The following SART1 variants were observed in gnomAD, a reference collection of about 807,000 sequenced individuals.
SART1 encodes the protein U4/U6.U5 tri-snRNP-associated protein 1.
Under a neutral mutation model 105.0 loss-of-function variants are expected in SART1, and 28 were observed. The observed-to-expected ratio is 0.27, with a 90% CI of 0.20 to 0.37. The LOEUF (loss-of-function observed/expected upper bound fraction) is 0.37. Among genes scored for constraint, SART1 ranks in the 10% least tolerant of loss-of-function variants. The pLI is 1.00. For missense variants in SART1, 894 were observed against 1,106.5 expected, an observed-to-expected ratio of 0.81 and a Z score of 2.72; for synonymous variants, 472 against 462.9, an observed-to-expected ratio of 1.02 and a Z score of -0.25.
rs1423797722 is a variant in SART1, at chr11:65,978,239, CGT to C, written c.2172+341_2172+342del. On this transcript the variant is annotated intron_variant, in intron 17 of 19. Transcript: ENST00000312397. This position sits in a 1 kb window ranked among gnomAD's most constrained non-coding sequence, Gnocchi z 6.8. ...AGCGTCCAGGCCCTTCCAGCACTCTCGTAGGCCGCCCGACCGTCCTGCCCTAC... is the reference window on the plus strand; with the variant it reads ...AGCGTCCAGGCCCTTCCAGCACTCTCAGGCCGCCCGACCGTCCTGCCCTAC... 4.2e-5 allele frequency: 21 copies of C among 496,316 alleles called. No homozygotes were observed. The Admixed American group carries it at 5.4e-4, about 13-fold the overall frequency. The allele number at this position is 496,316 out of a possible 1,614,324, so 30.7% of individuals were successfully genotyped here. A position where few individuals can be genotyped will look rare whatever the true frequency, so the allele number is the denominator to read the frequency against.
chr11:65,966,700 C>A, intron 9 of SART1, 144 bp downstream of exon 9: 1 of 932,464 alleles, frequency 1.1e-6, no homozygotes, highest in Non-Finnish European at 1.5e-6. Flanking sequence ...AAATGGCAAC[C>A]GGGGGAGGCA....
Position 65,976,845 on chromosome 11 carries a change from C to G in SART1, c.1857+79C>G. 1.6e-6 allele frequency: 2 copies of G among 1,271,664 alleles called. No homozygotes were observed. The highest frequency in any genetic ancestry group is 1.1e-6 in the Non-Finnish European group (1 of 901,272). 78.8% of individuals were successfully genotyped at this position (1,271,664 alleles called of 1,614,324 possible). ...GAGCACCGGGCTCGGTGTCCAGAGC[C>G]TCAGCCTCCTCATCCAGAGTGGGCT... On this transcript the variant is annotated intron_variant, in intron 14 of 19. Coordinates refer to ENST00000312397, the MANE Select transcript of SART1 (RefSeq NM_005146.5). This position sits in a 1 kb window ranked among gnomAD's most constrained non-coding sequence, Gnocchi z 5.1.
At chr11:65,964,252 C>T (rs779008112) in intron 2 of SART1, 121 bp downstream of exon 2, 2 of 962,802 alleles carry the variant, frequency 2.1e-6, no homozygotes, top group South Asian at 1.4e-5. Context: ...TTGTTTAAAT[C>T]ATCTTAGCCA....
chr11:65,973,046 C>T (rs906163787), intron 12 of SART1, among the ~76,000 whole-genome samples: 2 of 152,138 alleles, frequency 1.3e-5, no homozygotes, highest in South Asian at 2.1e-4. Context: ...TGGTGGCGGG[C>T]ACCTGTAGTC....
chr11:65,966,568 C>G lies in SART1; in HGVS notation c.1188+12C>G. ...CGCCTGAGGAGATGGTGAGCCCTCCCGTGCCTTATACTCGGGGTCAAGATT... is the reference window on the plus strand; with the variant it reads ...CGCCTGAGGAGATGGTGAGCCCTCCGGTGCCTTATACTCGGGGTCAAGATT... On this transcript the variant is annotated intron_variant, in intron 9 of 19. Transcript: ENST00000312397. 3.3e-6 allele frequency: 5 copies of G among 1,496,066 alleles called. No homozygotes were observed. Among genetic ancestry groups the G allele is most frequent in the Non-Finnish European group, 3.6e-6 (4 of 1,126,652 alleles). 92.7% of individuals were successfully genotyped at this position (1,496,066 alleles called of 1,614,324 possible). A position where few individuals can be genotyped will look rare whatever the true frequency, so the allele number is the denominator to read the frequency against.
intron 10 of SART1, 40 bp downstream of exon 10, chr11:65,967,423 G>A (rs779276136): frequency 6.2e-7 from 1 of 1,613,690 alleles, no homozygotes; most frequent in Non-Finnish European, 8.5e-7. Flanking sequence ...TGGCTGGGCT[G>A]GGGTGGCCTG....
In SART1 at chr11:65,979,337, T is replaced by C. The variant is rs1177439241; in HGVS notation, c.*307T>C. The C allele has an allele frequency of 3.9e-6, 2 of 516,806 alleles. No individual in the cohort carries two copies. The highest frequency in any genetic ancestry group is 7.0e-6 in the Non-Finnish European group (2 of 286,510). 32.0% of individuals were successfully genotyped at this position (516,806 alleles called of 1,614,324 possible). A position where few individuals can be genotyped will look rare whatever the true frequency, so the allele number is the denominator to read the frequency against. The stretch of plus-strand genomic sequence containing the variant: ...TTTAGAAACTCATCACCCTGCTCTC[T>C]CCTGGCCTCGGGGGCTGCACAGGTC... On this transcript the variant is annotated 3_prime_UTR_variant, in exon 20 of 20. Transcript: ENST00000312397.
chr11:65,975,059 A>C (rs1401275539), intron 12 of SART1, among the ~76,000 whole-genome samples: 1 of 152,056 alleles, frequency 6.6e-6, no homozygotes, highest in South Asian at 2.1e-4. Context: ...TAAAAATTAA[A>C]AGACAAACAA....
Position 65,967,670 on chromosome 11 carries a change from T to C in SART1, c.1430-9T>C. 1 of 1,578,616 alleles carries C rather than the reference T, an allele frequency of 6.3e-7. No individual in the cohort carries two copies. The highest frequency in any genetic ancestry group is 8.6e-7 in the Non-Finnish European group (1 of 1,162,070). Reference sequence around the variant, plus strand: ...TGGTCTGAGCAGGCATCCCCTGTGTTTCCCCCAGAGGAAGGTGGAGCTCCA... The same window carrying C: ...TGGTCTGAGCAGGCATCCCCTGTGTCTCCCCCAGAGGAAGGTGGAGCTCCA... On this transcript the variant is annotated splice_polypyrimidine_tract_variant and intron_variant, in intron 11 of 19. Coordinates refer to ENST00000312397, the MANE Select transcript of SART1 (RefSeq NM_005146.5).
At chr11:65,970,503 G>C (rs1855352627) in intron 12 of SART1, among the ~76,000 whole-genome samples, 1 of 152,098 alleles carries the variant, frequency 6.6e-6, no homozygotes, top group African/African-American at 2.4e-5. Context: ...GTGGAGGGTG[G>C]GCTTGAGTGA....
intron 9 of SART1, 89 bp downstream of exon 9, chr11:65,966,645 C>A (rs757489418): frequency 3.2e-5 from 43 of 1,363,436 alleles, no homozygotes; most frequent in Non-Finnish European, 3.8e-5. Context: ...GAAGACAGGG[C>A]GAGTATTTGT....
intron 12 of SART1, among the ~76,000 whole-genome samples, chr11:65,968,699 C>T (rs527821831): frequency 6.6e-5 from 10 of 152,210 alleles, no homozygotes; most frequent in African/African-American, 2.4e-4. Flanking sequence ...GACCAACCAG[C>T]AGGTGTCTCA....
At chr11:65,975,410 A>ATTT (rs531946236) in intron 12 of SART1, among the ~76,000 whole-genome samples, 30 of 110,110 alleles carry the variant, frequency 2.7e-4, no homozygotes, top group African/African-American at 6.8e-4. Flanking sequence ...CCCTGGAAGA[A>ATTT]TTTTTTTTTT....
chr11:65,962,124 G>GGGGGGGGGGGGGGC, intron 1 of SART1, 31 bp downstream of exon 1: 1 of 1,113,042 alleles, frequency 9.0e-7, no homozygotes, highest in Non-Finnish European at 1.2e-6. Context: ...CAGGGGGCGG[G>GGGGGGGGGGGGGGC]TCGGGCGGGG....
At position 65,965,083 on chromosome 11, in the gene SART1, C is replaced by A. The variant is rs1855220871; in HGVS notation, c.428-9C>A. ...CGGGCATAGCCTCACGTCTGGGCCCCCCTTCCAGAGGCGGGCACCAAGGAG... is the reference window on the plus strand; with the variant it reads ...CGGGCATAGCCTCACGTCTGGGCCCACCTTCCAGAGGCGGGCACCAAGGAG... On this transcript the variant is annotated splice_polypyrimidine_tract_variant and intron_variant, in intron 3 of 19. Transcript: ENST00000312397. 3 of 1,567,832 alleles carry A rather than the reference C, an allele frequency of 1.9e-6. No individual in the cohort carries two copies. The highest frequency in any genetic ancestry group is 1.7e-6 in the Non-Finnish European group (2 of 1,161,754).
chr11:65,971,760 T>A (rs1200849816), intron 12 of SART1, among the ~76,000 whole-genome samples: 1 of 151,992 alleles, frequency 6.6e-6, no homozygotes, highest in Non-Finnish European at 1.5e-5. Context: ...TTCTGTTGAT[T>A]TCCCCCTGAG....
intron 12 of SART1, among the ~76,000 whole-genome samples, chr11:65,974,773 C>T (rs1366266540): frequency 6.6e-6 from 1 of 152,066 alleles, no homozygotes; most frequent in East Asian, 1.9e-4. Flanking sequence ...CGGTGGCTCA[C>T]GTCTGTAACC....
In SART1 at chr11:65,979,278, A is replaced by G. The variant is rs1590647767; in HGVS notation, c.*248A>G. 3 of 599,268 alleles carry G rather than the reference A, an allele frequency of 5.0e-6. No individual in the cohort carries two copies. Among genetic ancestry groups the G allele is most frequent in the East Asian group, 5.6e-5 (2 of 35,932 alleles). 37.1% of individuals were successfully genotyped at this position (599,268 alleles called of 1,614,324 possible). On this transcript the variant is annotated 3_prime_UTR_variant, in exon 20 of 20. Transcript: ENST00000312397. Reference sequence around the variant, plus strand: ...CCCTGGCTGTCGGTCACACCTCTGCAGGGCCGGCTCTCTGATAGAAAGTGG... The same window carrying G: ...CCCTGGCTGTCGGTCACACCTCTGCGGGGCCGGCTCTCTGATAGAAAGTGG...
In SART1 at chr11:65,966,180, C is replaced by T. The variant is rs781559975; in HGVS notation, c.943C>T (p.Pro315Ser). Residue 315 changes from proline (P) to serine (S), a missense_variant, in exon 8 of 20, where the codon CCC (proline) becomes TCC (serine). By Grantham distance (74) the Pro-to-Ser change is moderately conservative. This residue lies in a region of SART1 where 712 missense variants were observed against 778.2 expected (regional missense o/e 0.91). Coordinates refer to ENST00000312397, the MANE Select transcript of SART1 (RefSeq NM_005146.5). The stretch of plus-strand genomic sequence containing the variant: ...GCGGAAGAAGAAGCCTGACTACCTG[C>T]CCTATGCCGAGGACGAGAGCGTGGA... ...ELRKKKPDYL[P>S]YAEDESVDDL... is the part of the protein sequence containing the mutation. 15 of 1,613,900 alleles carry T rather than the reference C, an allele frequency of 9.3e-6. No individual in the cohort carries two copies. In the African/African-American group the frequency reaches 1.6e-4, roughly 17 times the overall value.
Sources: gnomAD v4.1 joint callset for allele counts (sites outside exome capture counted in the v4.1 genomes callset) on GRCh38, gnomAD v4.1.1 for gene constraint, gnomAD v4.1.1 regional missense constraint, Gnocchi (gnomAD v3.1) non-coding constraint, MANE v1.5 for transcripts, NCBI Gene and HGNC (gene_info 2026-07-23, HGNC 2026-07-21) for gene names.